LARS2: variants seen among roughly 807,000 people sequenced by gnomAD.
The protein encoded by LARS2 is leucyl-tRNA synthetase 2, mitochondrial, also known as leucine--tRNA ligase, mitochondrial.
In LARS2, 81 loss-of-function variants were observed where a neutral mutation model predicts 116.6. That is an observed-to-expected ratio of 0.69 (90% confidence interval 0.58 to 0.84). The LOEUF (loss-of-function observed/expected upper bound fraction) is 0.84, where lower values mean the gene tolerates loss of function less well. Ranked by LOEUF, LARS2 falls within the 40% of genes least tolerant of loss-of-function variation. LARS2 has a pLI of 0.00. For synonymous variants in LARS2, 396 were observed against 407.2 expected, an observed-to-expected ratio of 0.97 and a Z score of 0.33; for missense variants, 968 against 1,114.5, an observed-to-expected ratio of 0.87 and a Z score of 1.87.
chr3:45,491,394 A>G (rs1699911711), intron 12 of LARS2, 123 bp from the exon 13 acceptor site: 2 of 986,826 alleles, frequency 2.0e-6, no homozygotes, highest in Admixed American at 4.6e-5. Flanking sequence ...GTTATGACAC[A>G]GCTCTGCACA....
chr3:45,388,703 G>A (rs976913834), intron 1 of LARS2, 23 bp downstream of exon 1: 6 of 152,422 alleles, frequency 3.9e-5, no homozygotes, highest in Non-Finnish European at 7.3e-5. Context: ...ACCGGGCGCA[G>A]CGAGATGAGA....
intron 6 of LARS2, among the ~76,000 whole-genome samples, chr3:45,444,391 C>T (rs1285607614): frequency 6.8e-6 from 1 of 148,004 alleles, no homozygotes; most frequent in Non-Finnish European, 1.5e-5. Context: ...CGGCCAGGCG[C>T]GGTGGCTCAC....
chr3:45,424,696 T>TG (rs1698565500), intron 6 of LARS2, among the ~76,000 whole-genome samples: 1 of 152,214 alleles, frequency 6.6e-6, no homozygotes, highest in Non-Finnish European at 1.5e-5. Context: ...TCTTTGCCCT[T>TG]GCCATTTTCC....
chr3:45,465,839 G>A (rs569413942), intron 8 of LARS2, among the ~76,000 whole-genome samples: 18 of 152,278 alleles, frequency 1.2e-4, no homozygotes, highest in African/African-American at 3.9e-4. Context: ...TCTCTATTAG[G>A]TCAATTCTCT....
intron 18 of LARS2, among the ~76,000 whole-genome samples, chr3:45,519,361 C>G (rs939499448): frequency 2.0e-5 from 3 of 151,134 alleles, no homozygotes; most frequent in Non-Finnish European, 4.4e-5. Flanking sequence ...CGTGGTGGCA[C>G]GCGCCTGTAA....
intron 20 of LARS2, among the ~76,000 whole-genome samples, chr3:45,534,563 T>C (rs1700670419): frequency 6.6e-6 from 1 of 152,204 alleles, no homozygotes; most frequent in Non-Finnish European, 1.5e-5. Flanking sequence ...GAAAACATGG[T>C]CCACCAAGGT....
chr3:45,504,838 G>A (rs1468048032), intron 15 of LARS2, among the ~76,000 whole-genome samples: 1 of 151,130 alleles, frequency 6.6e-6, no homozygotes, highest in East Asian at 1.9e-4. Flanking sequence ...CCAGCACTTT[G>A]GGAGGCCAAG....
At chr3:45,414,354 T>C (rs1428818583) in intron 4 of LARS2, among the ~76,000 whole-genome samples, 1 of 152,222 alleles carries the variant, frequency 6.6e-6, no homozygotes, top group Non-Finnish European at 1.5e-5. Context: ...GGCTGTATGG[T>C]AGAATAACAG....
In LARS2 at chr3:45,480,467, T is replaced by C. The variant is rs569531710; in HGVS notation, c.1018+3840T>C. The stretch of plus-strand genomic sequence containing the variant: ...GGGTGCCCTGAGGGCAAAGGACAGA[T>C]ACCTTTTTGTCTGGAATGTTTCCTT... On this transcript the variant is annotated intron_variant, in intron 10 of 21. Coordinates refer to ENST00000645846, the MANE Select transcript of LARS2 (RefSeq NM_015340.4). Among the ~76,000 whole-genome samples the C allele has an allele frequency of 5.9e-5, 9 of 152,376 alleles. No homozygotes were observed. The South Asian group carries it at 6.2e-4, about 11-fold the overall frequency.
intron 8 of LARS2, among the ~76,000 whole-genome samples, chr3:45,470,754 C>G (rs377083596): frequency 1.3e-5 from 2 of 152,188 alleles, no homozygotes; most frequent in East Asian, 3.9e-4. Context: ...CAAAGTGTTT[C>G]AAAGCCTTGG....
chr3:45,460,102 A>G (rs1699289537), intron 8 of LARS2, among the ~76,000 whole-genome samples: 1 of 152,258 alleles, frequency 6.6e-6, no homozygotes. Flanking sequence ...ATACAGAAAT[A>G]TGACCTCTAG....
intron 4 of LARS2, among the ~76,000 whole-genome samples, chr3:45,415,930 T>G (rs1402615219): frequency 2.8e-5 from 4 of 141,374 alleles, no homozygotes; most frequent in Admixed American, 1.4e-4. Flanking sequence ...GAGAGGCTAT[T>G]TTAGAAATTA....
At chr3:45,410,832 C>A (rs909788104) in intron 4 of LARS2, among the ~76,000 whole-genome samples, 2 of 152,104 alleles carry the variant, frequency 1.3e-5, no homozygotes, top group African/African-American at 4.8e-5. Flanking sequence ...TCTCTCTAGC[C>A]AGGGGGATGG....
At chr3:45,397,534 T>C (rs1176074087) in intron 3 of LARS2, among the ~76,000 whole-genome samples, 2 of 152,206 alleles carry the variant, frequency 1.3e-5, no homozygotes, top group Non-Finnish European at 2.9e-5. Context: ...CAAGAGATGC[T>C]AGTAAAGAAA....
chr3:45,400,013 T>C (rs940414980), intron 3 of LARS2, among the ~76,000 whole-genome samples: 1 of 152,096 alleles, frequency 6.6e-6, no homozygotes, highest in African/African-American at 2.4e-5. Flanking sequence ...GATATATGGG[T>C]ACTTAACACT....
intron 10 of LARS2, among the ~76,000 whole-genome samples, chr3:45,482,346 A>G (rs1210166590): frequency 6.6e-6 from 1 of 152,150 alleles, no homozygotes; most frequent in Non-Finnish European, 1.5e-5. Flanking sequence ...TCTTTGCTTC[A>G]TAGAATTTTC....
intron 8 of LARS2, among the ~76,000 whole-genome samples, chr3:45,464,104 T>C (rs1559477665): frequency 6.6e-6 from 1 of 152,150 alleles, no homozygotes; most frequent in East Asian, 1.9e-4. Flanking sequence ...TTTGTTCCTG[T>C]CCTCCTGATT....
intron 19 of LARS2, among the ~76,000 whole-genome samples, chr3:45,521,581 A>G (rs1385707921): frequency 6.6e-6 from 1 of 152,216 alleles, no homozygotes; most frequent in Non-Finnish European, 1.5e-5. Context: ...GAAGGTTAAT[A>G]TCCTTGTAAA....
rs577086426 is a variant in LARS2 at position 45,458,661 on chromosome 3, C to T, written c.607-82C>T. The T allele has an allele frequency of 6.0e-4, 861 of 1,433,740 alleles. 2 individuals carry two copies. Among genetic ancestry groups the T allele is most frequent in the Middle Eastern group, 1.8e-3 (10 of 5,684 alleles). The allele number at this position is 1,433,740 out of a possible 1,614,324, so 88.8% of individuals were successfully genotyped here. On this transcript the variant is annotated intron_variant, in intron 7 of 21. Transcript: ENST00000645846. ...GAGATCACGCCACTGCACTCTAGCC[C>T]GGGCGACAGTGCGACACTCCCTGTC...
Sources: allele counts gnomAD v4.1 joint callset (sites outside exome capture counted in the v4.1 genomes callset), GRCh38; gene constraint gnomAD v4.1.1; transcripts MANE v1.5; gene names NCBI Gene and HGNC (gene_info 2026-07-23, HGNC 2026-07-21).